CACNA2D1: variants seen among roughly 807,000 people sequenced by gnomAD.
CACNA2D1 encodes the protein calcium voltage-gated channel auxiliary subunit alpha2delta 1, also known as voltage-dependent calcium channel subunit alpha-2/delta-1.
A neutral mutation model predicts 171.5 loss-of-function variants in CACNA2D1; 53 were observed. That is an observed-to-expected ratio of 0.31 (90% CI 0.25 to 0.39). CACNA2D1 has a LOEUF of 0.39. Among genes scored for constraint, CACNA2D1 ranks in the 10% least tolerant of loss-of-function variants. CACNA2D1 has a pLI of 1.00. For synonymous variants in CACNA2D1, 442 were observed against 443.1 expected (o/e 1.00, Z 0.03); for missense variants, 903 against 1,299.8 (o/e 0.69, Z 4.69).
intron 21 of CACNA2D1, among the ~76,000 whole-genome samples, chr7:81,989,423 C>T (rs1160258546): frequency 6.6e-6 from 1 of 152,136 alleles, no homozygotes; most frequent in Non-Finnish European, 1.5e-5. Flanking sequence ...GATACAGATG[C>T]AAGTAGTTAT....
intron 1 of CACNA2D1, among the ~76,000 whole-genome samples, chr7:82,361,082 C>T (rs553514129): frequency 6.6e-6 from 1 of 152,236 alleles, no homozygotes; most frequent in East Asian, 1.9e-4. Flanking sequence ...TAATTGCTTT[C>T]AACCTTTTTG....
chr7:82,189,475 G>A (rs185481835), intron 3 of CACNA2D1, among the ~76,000 whole-genome samples: 3 of 151,758 alleles, frequency 2.0e-5, no homozygotes, highest in African/African-American at 7.3e-5. Flanking sequence ...AATATCTATG[G>A]AAATAATCAC....
chr7:82,127,575 G>A (rs1790472825), intron 5 of CACNA2D1, among the ~76,000 whole-genome samples: 1 of 152,112 alleles, frequency 6.6e-6, no homozygotes, highest in South Asian at 2.1e-4. Flanking sequence ...ATATTCTATT[G>A]TATAAGGTAT....
intron 6 of CACNA2D1, among the ~76,000 whole-genome samples, chr7:82,088,244 T>G (rs1358630523): frequency 6.6e-6 from 1 of 152,152 alleles, no homozygotes; most frequent in East Asian, 1.9e-4. Flanking sequence ...TTAGACAGTA[T>G]TTTTAGTCTC....
chr7:82,245,199 T>C (rs1323651697), intron 3 of CACNA2D1, among the ~76,000 whole-genome samples: 1 of 152,204 alleles, frequency 6.6e-6, no homozygotes, highest in Non-Finnish European at 1.5e-5. Context: ...AGCAATTCTG[T>C]GGCAAACACT....
chr7:82,170,580 T>C lies in CACNA2D1; in HGVS notation c.324A>G (p.Gln108=), dbSNP rs1795908020. The C allele has an allele frequency of 6.2e-7, 1 of 1,612,716 alleles. No homozygotes were observed. Among genetic ancestry groups the C allele is most frequent in the East Asian group, 2.2e-5 (1 of 44,736 alleles). The change falls in exon 4 of 39, where the codon CAA becomes CAG. Residue 108 remains glutamine, a synonymous_variant. Transcript: ENST00000356860. ...AATCTTCTCTCCACTGGTGAGCTGCTTGAACTTTCTCCGCTTCCAATGCCA... is the reference window on the plus strand; with the variant it reads ...AATCTTCTCTCCACTGGTGAGCTGCCTGAACTTTCTCCGCTTCCAATGCCA... The part of the protein sequence containing the change: ...VRLALEAEKV[Q]AAHQWREDFA...
At chr7:82,367,084 A>AT (rs200165814) in intron 1 of CACNA2D1, among the ~76,000 whole-genome samples, 1 of 150,618 alleles carries the variant, frequency 6.6e-6, no homozygotes, top group Non-Finnish European at 1.5e-5. Context: ...TTGTTTTTTA[A>AT]TTTTTTGTAG....
intron 9 of CACNA2D1, 25 bp downstream of exon 9, chr7:82,064,278 TA>T: frequency 6.8e-7 from 1 of 1,475,418 alleles, no homozygotes; most frequent in Non-Finnish European, 9.5e-7. Flanking sequence ...TCTCAATATA[TA>T]AATAAGTAGT....
chr7:82,089,951 TGTTA>T (rs1810943513), intron 6 of CACNA2D1, among the ~76,000 whole-genome samples: 1 of 152,222 alleles, frequency 6.6e-6, no homozygotes, highest in Non-Finnish European at 1.5e-5. Context: ...AGAATCTTAC[TGTTA>T]TTTATAATGT....
chr7:81,998,904 ATACTC>A (rs1034054853), intron 18 of CACNA2D1, among the ~76,000 whole-genome samples: 1 of 152,150 alleles, frequency 6.6e-6, no homozygotes, highest in Non-Finnish European at 1.5e-5. Flanking sequence ...TAACAAAAGG[ATACTC>A]TAAAGTTTAC....
intron 17 of CACNA2D1, 55 bp downstream of exon 17, chr7:82,005,710 G>A: frequency 1.7e-6 from 2 of 1,194,350 alleles, no homozygotes; most frequent in Admixed American, 1.7e-5. Context: ...GCCAAGCTAA[G>A]TTAGTACAGA....
At chr7:82,047,886 A>G (rs1804733863) in intron 10 of CACNA2D1, among the ~76,000 whole-genome samples, 1 of 152,194 alleles carries the variant, frequency 6.6e-6, no homozygotes, top group African/African-American at 2.4e-5. Context: ...GCTGTCTGAG[A>G]GACAGTAGTC....
At chr7:82,148,399 G>A (rs539311890) in intron 4 of CACNA2D1, among the ~76,000 whole-genome samples, 13 of 152,042 alleles carry the variant, frequency 8.6e-5, no homozygotes, top group African/African-American at 2.9e-4. Context: ...AATTGAAAGA[G>A]CAAAAGAAAA....
chr7:82,077,562 A>G (rs747676864), intron 7 of CACNA2D1, among the ~76,000 whole-genome samples: 4 of 152,280 alleles, frequency 2.6e-5, no homozygotes, highest in Non-Finnish European at 5.9e-5. Flanking sequence ...AGTAAAAACC[A>G]AACTTCCATA....
chr7:82,221,137 A>G (rs1031572438), intron 3 of CACNA2D1, among the ~76,000 whole-genome samples: 1 of 152,148 alleles, frequency 6.6e-6, no homozygotes, highest in African/African-American at 2.4e-5. Context: ...TCCGATCAAT[A>G]AACTTTTCAT....
At chr7:82,043,520 T>C (rs751565271) in intron 10 of CACNA2D1, among the ~76,000 whole-genome samples, 15 of 152,192 alleles carry the variant, frequency 9.9e-5, no homozygotes, top group Non-Finnish European at 2.2e-4. Flanking sequence ...CAGTTTCTGA[T>C]AAAACTATGA....
chr7:82,029,210 GAA>G (rs1014568658), intron 12 of CACNA2D1: 62 of 151,892 alleles, frequency 4.1e-4, no homozygotes, highest in African/African-American at 1.4e-3. Flanking sequence ...AAGACTTGCT[GAA>G]GTCTTAGATG....
At chr7:82,036,057 C>T (rs1584495094) in intron 11 of CACNA2D1, among the ~76,000 whole-genome samples, 2 of 152,038 alleles carry the variant, frequency 1.3e-5, no homozygotes, top group African/African-American at 4.8e-5. Context: ...TATTTCTACC[C>T]CCACATTTCC....
intron 14 of CACNA2D1, among the ~76,000 whole-genome samples, chr7:82,012,852 A>C (rs965603612): frequency 1.3e-5 from 2 of 152,128 alleles, no homozygotes; most frequent in Non-Finnish European, 2.9e-5. Flanking sequence ...AGCTATGTTT[A>C]AAAAGGAGTA....
Sources: allele counts gnomAD v4.1 joint callset (sites outside exome capture counted in the v4.1 genomes callset), GRCh38; gene constraint gnomAD v4.1.1; transcripts MANE v1.5; gene names NCBI Gene and HGNC (gene_info 2026-07-23, HGNC 2026-07-21).